Variants in PKIB observed in about 807,000 individuals in gnomAD.
The protein encoded by PKIB is PKI-beta.
PKIB carries 2 observed loss-of-function variants against 4.5 expected under a neutral mutation model. That is an observed-to-expected ratio of 0.44 (90% CI 0.18 to 1.39). The LOEUF (loss-of-function observed/expected upper bound fraction) is 1.39. PKIB is among the 40% of genes most tolerant of loss of function. PKIB has a pLI of 0.27. For missense variants in PKIB, 94 were observed against 92.6 expected, an observed-to-expected ratio of 1.02 and a Z score of -0.06; for synonymous variants, 38 against 36.0, an observed-to-expected ratio of 1.06 and a Z score of -0.20.
At chr6:122,709,420 AC>A (rs1283007108) in intron 3 of PKIB, among the ~76,000 whole-genome samples, 1 of 152,084 alleles carries the variant, frequency 6.6e-6, no homozygotes, top group Non-Finnish European at 1.5e-5. Flanking sequence ...AATCTAAATT[AC>A]CTAAGGAGGT....
chr6:122,480,890 A>T (rs1582647233), intron 2 of PKIB: 1 of 150,812 alleles, frequency 6.6e-6, no homozygotes, highest in South Asian at 2.1e-4. Flanking sequence ...GTGATATTGT[A>T]CATACCACAA....
chr6:122,570,641 T>C (rs951814065), intron 2 of PKIB, among the ~76,000 whole-genome samples: 6 of 152,102 alleles, frequency 3.9e-5, no homozygotes, highest in African/African-American at 1.4e-4. Flanking sequence ...AAGGAAGTCA[T>C]ACAGAGTCTT....
chr6:122,625,490 GGGCCTGGCTTGGT>G (rs1407604129), intron 1 of PKIB, among the ~76,000 whole-genome samples: 1 of 151,994 alleles, frequency 6.6e-6, no homozygotes, highest in Non-Finnish European at 1.5e-5. Flanking sequence ...AAAAGCTATG[GGGCCTGGCTTGGT>G]GGCTCATGCC....
rs539608828 is a variant in PKIB at position 122,491,265 on chromosome 6, C to T, written c.-248+13326C>T. On this transcript the variant is annotated intron_variant, in intron 2 of 6. Transcript: ENST00000392491. ...TGCACAGTGTGTTACTGGAGTTATA[C>T]GCATGCTCACTTGAGGCATTCTTCT... 7.2e-5 allele frequency among the ~76,000 whole-genome samples: 11 copies of T among 152,258 alleles called. No individual in the cohort carries two copies. In the East Asian group the frequency reaches 1.7e-3, roughly 24 times the overall value.
rs113906481 is a variant in PKIB at position 122,666,737 on chromosome 6, A to C, written c.-75-8341A>C. The stretch of plus-strand genomic sequence containing the variant: ...ATTTTGAAAAAATATGGGATATATC[A>C]AAAGTGACCTCTAAAGTATAATTCA... On this transcript the variant is annotated intron_variant, in intron 2 of 4. Transcript: ENST00000368452. 3.7e-3 allele frequency among the ~76,000 whole-genome samples: 565 copies of C among 152,348 alleles called. 2 individuals are homozygous for C. Among genetic ancestry groups the C allele is most frequent in the African/African-American group, 0.013 (525 of 41,574 alleles).
intron 3 of PKIB, among the ~76,000 whole-genome samples, chr6:122,693,703 G>A (rs755058577): frequency 6.6e-6 from 1 of 152,190 alleles, no homozygotes; most frequent in African/African-American, 2.4e-5. Flanking sequence ...CACTTGGAAA[G>A]CACTCAATGA....
intron 1 of PKIB, among the ~76,000 whole-genome samples, chr6:122,625,531 G>C (rs1775401538): frequency 6.6e-6 from 1 of 152,058 alleles, no homozygotes; most frequent in Non-Finnish European, 1.5e-5. Context: ...CCAAGACTTT[G>C]GTAAACCAAG....
At chr6:122,513,857 C>T (rs1249052514) in intron 2 of PKIB, among the ~76,000 whole-genome samples, 1 of 152,160 alleles carries the variant, frequency 6.6e-6, no homozygotes, top group Non-Finnish European at 1.5e-5. Context: ...ATATGCACCA[C>T]ATTTTCTTTA....
intron 2 of PKIB, chr6:122,483,826 C>G (rs978909331): frequency 6.6e-6 from 1 of 152,136 alleles, no homozygotes; most frequent in Non-Finnish European, 1.5e-5. Context: ...TTGTAGAAAG[C>G]GGGGGACAAC....
At chr6:122,484,660 A>C (rs951676932) in intron 2 of PKIB, among the ~76,000 whole-genome samples, 1 of 152,212 alleles carries the variant, frequency 6.6e-6, no homozygotes, top group African/African-American at 2.4e-5. Flanking sequence ...GCCATAAATA[A>C]AATTATTTAA....
chr6:122,499,409 G>A (rs1057117845), intron 2 of PKIB, among the ~76,000 whole-genome samples: 1 of 152,126 alleles, frequency 6.6e-6, no homozygotes, highest in Admixed American at 6.5e-5. Context: ...TTGAATGTAT[G>A]CAAATTAATA....
chr6:122,635,324 G>A (rs984281117), intron 2 of PKIB, among the ~76,000 whole-genome samples: 9 of 151,990 alleles, frequency 5.9e-5, no homozygotes, highest in East Asian at 1.9e-4. Context: ...TAATTTTGTC[G>A]GAAGCATAAG....
chr6:122,520,585 C>A (rs1227343039), intron 2 of PKIB, among the ~76,000 whole-genome samples: 1 of 151,976 alleles, frequency 6.6e-6, no homozygotes, highest in Non-Finnish European at 1.5e-5. Context: ...GGTGATTCTT[C>A]TCCTCTAGGG....
At chr6:122,588,124 CT>C (rs1414012433) in intron 3 of PKIB, among the ~76,000 whole-genome samples, 2 of 152,108 alleles carry the variant, frequency 1.3e-5, no homozygotes, top group Non-Finnish European at 2.9e-5. Context: ...ATGGTATTGC[CT>C]AGGTTTTCTT....
At chr6:122,647,951 T>C (rs1366332516) in intron 2 of PKIB, among the ~76,000 whole-genome samples, 1 of 152,234 alleles carries the variant, frequency 6.6e-6, no homozygotes, top group Non-Finnish European at 1.5e-5. Flanking sequence ...TGAATTATTG[T>C]GGTTTTCTTC....
At chr6:122,490,202 T>C (rs1191811624) in intron 2 of PKIB, among the ~76,000 whole-genome samples, 3 of 152,228 alleles carry the variant, frequency 2.0e-5, no homozygotes, top group Admixed American at 2.0e-4. Context: ...TAAAAGCATC[T>C]TCTTGTAGCT....
Position 122,486,058 on chromosome 6 carries a change from T to G in PKIB, c.-248+8119T>G, listed in dbSNP as rs1169638151. Among the ~76,000 whole-genome samples the G allele has an allele frequency of 3.3e-5, 5 of 152,278 alleles. No homozygotes were observed. The East Asian group carries it at 9.6e-4, about 29-fold the overall frequency. The stretch of plus-strand genomic sequence containing the variant: ...GCTAATTCATCACAAAATATACCCA[T>G]GTAACCTCCACATTACCCCCCTGAC... On this transcript the variant is annotated intron_variant, in intron 2 of 6. Coordinates refer to the PKIB transcript ENST00000392491.
chr6:122,650,326 A>G (rs920681171), intron 2 of PKIB, among the ~76,000 whole-genome samples: 1 of 152,142 alleles, frequency 6.6e-6, no homozygotes. Flanking sequence ...GAGCTCTGCA[A>G]TCCCTCTAGG....
At chr6:122,481,774 AC>A (rs1190314702) in intron 2 of PKIB, 1 of 152,182 alleles carries the variant, frequency 6.6e-6, no homozygotes, top group African/African-American at 2.4e-5. Context: ...TAAATTTTGT[AC>A]AGTGTTTGCA....
Sources: allele counts gnomAD v4.1 joint callset (sites outside exome capture counted in the v4.1 genomes callset), GRCh38; gene constraint gnomAD v4.1.1; transcripts MANE v1.5; gene names NCBI Gene and HGNC (gene_info 2026-07-23, HGNC 2026-07-21).